The following RARB variants were observed in gnomAD, a reference collection of about 807,000 sequenced individuals.
The protein encoded by RARB is HBV-activated protein.
Under a neutral mutation model 51.9 loss-of-function variants are expected in RARB, and 17 were observed. The observed-to-expected ratio is 0.33, with a 90% CI of 0.22 to 0.49. The LOEUF (loss-of-function observed/expected upper bound fraction) is 0.49, where lower values mean the gene tolerates loss of function less well. Ranked by LOEUF, RARB falls within the 20% of genes least tolerant of loss-of-function variation. The probability of loss-of-function intolerance (pLI) is 0.99; values close to 1 mark genes in which losing one functional copy is unlikely to be tolerated. For missense variants in RARB, 369 were observed against 550.8 expected (o/e 0.67, Z 3.30); for synonymous variants, 215 against 195.4 (o/e 1.10, Z -0.84).
At chr3:25,195,412 G>A (rs559208176) in intron 5 of RARB, among the ~76,000 whole-genome samples, 5 of 152,118 alleles carry the variant, frequency 3.3e-5, no homozygotes, top group African/African-American at 4.8e-5. Context: ...AATTTCAGCA[G>A]TAACATGCTA....
chr3:25,582,018 G>A (rs539190387), intron 5 of RARB, among the ~76,000 whole-genome samples: 19 of 152,070 alleles, frequency 1.2e-4, no homozygotes, highest in Non-Finnish European at 2.2e-4. Flanking sequence ...TGGGGTATAC[G>A]GCCAGAGTGG....
intron 2 of RARB, among the ~76,000 whole-genome samples, chr3:25,485,764 A>T (rs895148703): frequency 2.6e-5 from 4 of 152,192 alleles, no homozygotes; most frequent in African/African-American, 7.2e-5. Flanking sequence ...AAAGGAAAGC[A>T]GGATCCTCTC....
chr3:25,111,090 A>C (rs1352959029), intron 3 of RARB, among the ~76,000 whole-genome samples: 1 of 152,184 alleles, frequency 6.6e-6, no homozygotes, highest in Non-Finnish European at 1.5e-5. Flanking sequence ...TACCACTTAA[A>C]TACTTGTACG....
intron 4 of RARB, among the ~76,000 whole-genome samples, chr3:25,574,498 T>C (rs1319373877): frequency 6.6e-6 from 1 of 152,160 alleles, no homozygotes; most frequent in Non-Finnish European, 1.5e-5. Context: ...AGCGTGGGTG[T>C]GACAGTGGGA....
At chr3:25,155,290 CT>C (rs1384664461) in intron 4 of RARB, among the ~76,000 whole-genome samples, 3 of 152,138 alleles carry the variant, frequency 2.0e-5, no homozygotes, top group South Asian at 2.1e-4. Context: ...TCTCTTCCCC[CT>C]GACCCCAGCA....
intron 3 of RARB, among the ~76,000 whole-genome samples, chr3:25,522,941 A>G (rs1328620268): frequency 6.6e-6 from 1 of 152,152 alleles, no homozygotes; most frequent in East Asian, 1.9e-4. Context: ...TATAATTTAA[A>G]TGTTCTCCAG....
intron 4 of RARB, among the ~76,000 whole-genome samples, chr3:25,167,288 G>C (rs1700576228): frequency 2.0e-5 from 3 of 152,142 alleles, no homozygotes; most frequent in South Asian, 4.1e-4. Context: ...ACTTTTTCCT[G>C]TTCTCAAATC....
At chr3:25,552,767 C>A (rs1047824082) in intron 3 of RARB, among the ~76,000 whole-genome samples, 6 of 152,098 alleles carry the variant, frequency 3.9e-5, no homozygotes, top group Non-Finnish European at 5.9e-5. Context: ...TATTCAATGT[C>A]TAGGGTTTAC....
At chr3:25,135,412 T>G (rs1575176465) in intron 4 of RARB, among the ~76,000 whole-genome samples, 1 of 152,094 alleles carries the variant, frequency 6.6e-6, no homozygotes, top group East Asian at 1.9e-4. Context: ...TACCTGGATA[T>G]CTGATATTTA....
At chr3:24,865,327 T>C (rs895297468) in intron 2 of RARB, among the ~76,000 whole-genome samples, 1 of 152,150 alleles carries the variant, frequency 6.6e-6, no homozygotes, top group Non-Finnish European at 1.5e-5. Flanking sequence ...GAAAAAAATA[T>C]ACATGTAAAT....
chr3:24,931,156 G>A lies in RARB; in HGVS notation c.-380+72404G>A, dbSNP rs114120287. On this transcript the variant is annotated intron_variant, in intron 2 of 11. Coordinates refer to the RARB transcript ENST00000383772. ...ACTTTTAAGTACTCTGCTATGTCTC[G>A]TTGAACTGAATGTATTCTAGGGAGA... 3.4e-3 allele frequency among the ~76,000 whole-genome samples: 514 copies of A among 152,084 alleles called. 1 individual carries two copies. Among genetic ancestry groups the A allele is most frequent in the African/African-American group, 0.011 (459 of 41,514 alleles).
intron 5 of RARB, among the ~76,000 whole-genome samples, chr3:25,232,710 T>G (rs563189808): frequency 3.3e-4 from 50 of 152,242 alleles, no homozygotes; most frequent in African/African-American, 1.2e-3. Flanking sequence ...CAACTTACAA[T>G]TATTCAACTT....
At chr3:25,404,387 T>A (rs1395837927) in intron 5 of RARB, among the ~76,000 whole-genome samples, 3 of 152,212 alleles carry the variant, frequency 2.0e-5, no homozygotes, top group African/African-American at 7.2e-5. Context: ...CTAATGCTTA[T>A]TTGCATTTAA....
intron 2 of RARB, among the ~76,000 whole-genome samples, chr3:24,942,895 T>C (rs1695698411): frequency 6.6e-6 from 1 of 152,214 alleles, no homozygotes; most frequent in Non-Finnish European, 1.5e-5. Context: ...TTTTTTAATC[T>C]TCCTGTTATC....
At chr3:24,986,699 G>T (rs986401050) in intron 2 of RARB, among the ~76,000 whole-genome samples, 9 of 152,188 alleles carry the variant, frequency 5.9e-5, no homozygotes, top group Non-Finnish European at 1.2e-4. Flanking sequence ...ATTGCAGCGT[G>T]TGTGTTTTAT....
At chr3:25,107,985 A>G (rs1321407513) in intron 3 of RARB, among the ~76,000 whole-genome samples, 1 of 152,156 alleles carries the variant, frequency 6.6e-6, no homozygotes, top group African/African-American at 2.4e-5. Flanking sequence ...CACATTGGGG[A>G]CAATATTAAG....
At chr3:25,418,535 C>T (rs890434614) in intron 5 of RARB, among the ~76,000 whole-genome samples, 2 of 152,096 alleles carry the variant, frequency 1.3e-5, no homozygotes, top group Admixed American at 6.5e-5. Flanking sequence ...AGACTTGAAT[C>T]CAGGGCTTCT....
intron 3 of RARB, among the ~76,000 whole-genome samples, chr3:25,508,385 C>G (rs532982083): frequency 4.7e-4 from 71 of 152,246 alleles, no homozygotes; most frequent in African/African-American, 1.6e-3. Flanking sequence ...CTCTCATTTC[C>G]CCTTTACTGT....
rs193087568 is a variant in RARB, at chr3:25,168,663, A to G, written c.-279-5456A>G. 5.7e-3 allele frequency among the ~76,000 whole-genome samples: 871 copies of G among 152,348 alleles called. 13 individuals carry two copies. The highest frequency in any genetic ancestry group is 0.018 in the African/African-American group (769 of 41,570). On this transcript the variant is annotated intron_variant, in intron 4 of 11. Coordinates refer to the RARB transcript ENST00000383772. ...TACCATAAATGTAAAAATCAATAGAATAATTGGAAGTTAAAGGTGAGGATA... is the reference window on the plus strand; with the variant it reads ...TACCATAAATGTAAAAATCAATAGAGTAATTGGAAGTTAAAGGTGAGGATA...
Sources: gnomAD v4.1 joint callset for allele counts (sites outside exome capture counted in the v4.1 genomes callset) on GRCh38, gnomAD v4.1.1 for gene constraint, MANE v1.5 for transcripts, NCBI Gene and HGNC (gene_info 2026-07-23, HGNC 2026-07-21) for gene names.